PCCA: variants seen among roughly 807,000 people sequenced by gnomAD.
The protein encoded by PCCA is propionyl-CoA carboxylase alpha chain, mitochondrial.
Under a neutral mutation model 101.3 loss-of-function variants are expected in PCCA, and 74 were observed. The observed-to-expected ratio is 0.73, with a 90% confidence interval of 0.61 to 0.89. PCCA has a LOEUF of 0.89. PCCA is among the 40% of genes least tolerant of loss of function. The pLI is 0.00. For synonymous variants in PCCA, 294 were observed against 313.6 expected, an observed-to-expected ratio of 0.94 and a Z score of 0.66; for missense variants, 891 against 907.0, an observed-to-expected ratio of 0.98 and a Z score of 0.23.
intron 22 of PCCA, among the ~76,000 whole-genome samples, chr13:100,519,076 C>T (rs1354402047): frequency 1.3e-5 from 2 of 152,104 alleles, no homozygotes; most frequent in Non-Finnish European, 2.9e-5. Context: ...ACAAAACCAC[C>T]CCATAAGATA....
intron 16 of PCCA, among the ~76,000 whole-genome samples, chr13:100,317,515 C>T (rs2067497371): frequency 6.6e-6 from 1 of 152,214 alleles, no homozygotes; most frequent in Admixed American, 6.5e-5. Flanking sequence ...TGTTTCTTCT[C>T]TGCAAATGGC....
Position 100,262,839 on chromosome 13 carries a change from C to T in PCCA, c.819+8C>T, listed in dbSNP as rs761096547. On this transcript the variant is annotated splice_region_variant and intron_variant, in intron 10 of 23. Transcript: ENST00000376285. ...CGTCATATAGAAATCCAGGTTGGTA[C>T]ATTTAAGATGCTTTTTCATTATTAT... 2.9e-6 allele frequency: 3 copies of T among 1,028,152 alleles called. No homozygotes were observed. Among genetic ancestry groups the T allele is most frequent in the Non-Finnish European group, 3.1e-6 (2 of 650,186 alleles). 63.7% of individuals were successfully genotyped at this position (1,028,152 alleles called of 1,614,324 possible).
rs192283775 is a variant in PCCA at position 100,445,923 on chromosome 13, A to G, written c.1846-3329A>G. ...CATAACTGATTTCTTTCCTTTGGAT[A>G]TATATGCAGTAGTGGGATTGTTGGA... On this transcript the variant is annotated intron_variant, in intron 20 of 23. Transcript: ENST00000376285. 5.3e-3 allele frequency among the ~76,000 whole-genome samples: 801 copies of G among 152,292 alleles called. 3 individuals carry two copies. The highest frequency in any genetic ancestry group is 0.01 in the Admixed American group (158 of 15,296).
chr13:100,435,711 GAAGC>G (rs2079879583), intron 20 of PCCA, among the ~76,000 whole-genome samples: 1 of 152,184 alleles, frequency 6.6e-6, no homozygotes, highest in Non-Finnish European at 1.5e-5. Context: ...AGCAAACAAT[GAAGC>G]AACAACAGAA....
intron 22 of PCCA, among the ~76,000 whole-genome samples, chr13:100,516,864 A>G (rs1336431836): frequency 6.6e-6 from 1 of 152,048 alleles, no homozygotes; most frequent in Admixed American, 6.6e-5. Flanking sequence ...CTTGCACGTG[A>G]CATTATCAGA....
intron 20 of PCCA, among the ~76,000 whole-genome samples, chr13:100,444,114 G>T (rs1228394551): frequency 6.6e-6 from 1 of 151,698 alleles, no homozygotes; most frequent in Non-Finnish European, 1.5e-5. Context: ...TTCTGGCCAC[G>T]CTGAACTGCT....
chr13:100,498,894 GT>G (rs1482928562), intron 21 of PCCA, among the ~76,000 whole-genome samples: 3 of 152,168 alleles, frequency 2.0e-5, no homozygotes, highest in African/African-American at 7.2e-5. Context: ...TAGCATGCTT[GT>G]TTATGGTAGA....
intron 7 of PCCA, among the ~76,000 whole-genome samples, chr13:100,226,078 A>G (rs542702461): frequency 1.3e-5 from 2 of 152,200 alleles, no homozygotes; most frequent in African/African-American, 4.8e-5. Flanking sequence ...GGCATGAGCC[A>G]CTGTGCCCGG....
At chr13:100,408,938 G>A (rs994122309) in intron 19 of PCCA, among the ~76,000 whole-genome samples, 14 of 152,212 alleles carry the variant, frequency 9.2e-5, no homozygotes, top group African/African-American at 2.9e-4. Context: ...CATGCAAGTG[G>A]TTCTTTCACC....
chr13:100,303,671 A>G (rs2066241702), intron 14 of PCCA, among the ~76,000 whole-genome samples: 1 of 152,148 alleles, frequency 6.6e-6, no homozygotes, highest in African/African-American at 2.4e-5. Flanking sequence ...AGGCTGTACC[A>G]TCTGTGAATA....
chr13:100,315,227 ATTAT>A (rs1309754793), intron 16 of PCCA, among the ~76,000 whole-genome samples: 2 of 152,044 alleles, frequency 1.3e-5, no homozygotes, highest in Non-Finnish European at 2.9e-5. Context: ...GAATTTTGAA[ATTAT>A]TTCAAAATAA....
intron 19 of PCCA, among the ~76,000 whole-genome samples, chr13:100,410,825 GT>G (rs993122316): frequency 6.6e-6 from 1 of 151,330 alleles, no homozygotes; most frequent in African/African-American, 2.4e-5. Context: ...TCGGTTGACT[GT>G]TTTTTTTGTT....
intron 15 of PCCA, among the ~76,000 whole-genome samples, 169 bp from the exon 16 acceptor site, chr13:100,309,664 T>C (rs79764964): frequency 6.6e-6 from 1 of 152,198 alleles, no homozygotes; most frequent in East Asian, 1.9e-4. Context: ...TTCTAATATT[T>C]ATATACTTAA....
At chr13:100,512,352 G>A (rs2086547532) in intron 21 of PCCA, among the ~76,000 whole-genome samples, 4 of 152,234 alleles carry the variant, frequency 2.6e-5, no homozygotes, top group South Asian at 4.2e-4. Flanking sequence ...TCACCTTTCC[G>A]TCATTCAGTC....
chr13:100,247,699 A>G (rs1281448830), intron 8 of PCCA, among the ~76,000 whole-genome samples: 2 of 151,450 alleles, frequency 1.3e-5, no homozygotes, highest in South Asian at 2.1e-4. Flanking sequence ...TATTTTTAGT[A>G]GAGATGAGGT....
intron 1 of PCCA, among the ~76,000 whole-genome samples, chr13:100,102,415 CAA>C (rs1167804730): frequency 2.6e-5 from 4 of 152,284 alleles, no homozygotes; most frequent in Admixed American, 2.6e-4. Context: ...ATTTATCAGC[CAA>C]ACCACTTCTG....
intron 12 of PCCA, among the ~76,000 whole-genome samples, chr13:100,297,679 G>T (rs2065661897): frequency 6.6e-6 from 1 of 152,198 alleles, no homozygotes; most frequent in Non-Finnish European, 1.5e-5. Context: ...TAAAAAGCTA[G>T]CCGATTGTTA....
At chr13:100,240,798 G>A (rs981102814) in intron 8 of PCCA, among the ~76,000 whole-genome samples, 2 of 151,962 alleles carry the variant, frequency 1.3e-5, no homozygotes, top group African/African-American at 2.4e-5. Flanking sequence ...ACCAGTATAT[G>A]TCCCATTAAA....
chr13:100,412,495 T>C (rs2078114988), intron 19 of PCCA, among the ~76,000 whole-genome samples: 3 of 152,110 alleles, frequency 2.0e-5, no homozygotes, highest in African/African-American at 4.8e-5. Context: ...ATTAGAACAA[T>C]AGAGGCTAAC....
Sources: allele counts gnomAD v4.1 joint callset (sites outside exome capture counted in the v4.1 genomes callset), GRCh38; gene constraint gnomAD v4.1.1; transcripts MANE v1.5; gene names NCBI Gene and HGNC (gene_info 2026-07-23, HGNC 2026-07-21).